PPFIA1: variants seen among roughly 807,000 people sequenced by gnomAD.
PPFIA1 encodes the protein PPFI scaffold protein A1.
PPFIA1 carries 25 observed loss-of-function variants against 149.9 expected under a neutral mutation model. The observed-to-expected ratio is 0.17, with a 90% CI of 0.12 to 0.23. The LOEUF is 0.23. PPFIA1 is among the 10% of genes least tolerant of loss of function. The probability of loss-of-function intolerance (pLI) is 1.00; values close to 1 mark genes in which losing one functional copy is unlikely to be tolerated. For missense variants in PPFIA1, 1,362 were observed against 1,506.5 expected (o/e 0.90, Z 1.59); for synonymous variants, 549 against 552.8 (o/e 0.99, Z 0.10).
At chr11:70,355,378 A>T (rs908372354) in intron 17 of PPFIA1, among the ~76,000 whole-genome samples, 2 of 152,104 alleles carry the variant, frequency 1.3e-5, no homozygotes, top group African/African-American at 4.8e-5. Context: ...CAGGCAGACC[A>T]TTGGGCTTTG....
Position 70,378,051 on chromosome 11 carries a change from A to G in PPFIA1, c.3406A>G (p.Arg1136Gly). The G allele has an allele frequency of 6.2e-7, 1 of 1,612,744 alleles. No individual in the cohort carries two copies. The stretch of plus-strand genomic sequence containing the variant: ...CCAGGATGATGATAAAAGCTTTAGG[A>G]GAGCACCTTCATGGAGAAAAAAGTT... ...FDEDDDKSFR[R>G]APSWRKKFRP... The change falls in exon 26 of 28, where the codon AGA becomes GGA. Residue 1136 changes from arginine to glycine, a missense_variant. Arg to Gly is a moderately radical substitution (Grantham distance 125, BLOSUM62 -2). Coordinates refer to ENST00000253925, the MANE Select transcript of PPFIA1 (RefSeq NM_003626.5).
chr11:70,303,573 G>C (rs757590739), intron 2 of PPFIA1, among the ~76,000 whole-genome samples: 1 of 152,212 alleles, frequency 6.6e-6, no homozygotes, highest in Non-Finnish European at 1.5e-5. Flanking sequence ...CATAAGAAGA[G>C]ATGTACATTT....
intron 2 of PPFIA1, chr11:70,279,155 GC>G: frequency 1.9e-6 from 1 of 539,420 alleles, no homozygotes; most frequent in Non-Finnish European, 3.5e-6. Flanking sequence ...CGGCAGTCGC[GC>G]CCACACGTCC....
chr11:70,381,977 G>A lies in PPFIA1; in HGVS notation c.3551-111G>A, dbSNP rs767879399. 750 of 901,020 alleles carry A rather than the reference G, an allele frequency of 8.3e-4. 1 individual carries two copies. Among genetic ancestry groups the A allele is most frequent in the Middle Eastern group, 2.4e-3 (10 of 4,102 alleles). The allele number at this position is 901,020 out of a possible 1,614,324, so 55.8% of individuals were successfully genotyped here. The stretch of plus-strand genomic sequence containing the variant: ...CAGGCAGCTCCCCTCAGGTCCCTCC[G>A]TAGGCACTGCTGTAGGTGTGAAGAT... On this transcript the variant is annotated intron_variant, in intron 26 of 27. Transcript: ENST00000253925.
At chr11:70,287,415 C>T (rs1439054518) in intron 2 of PPFIA1, among the ~76,000 whole-genome samples, 1 of 152,110 alleles carries the variant, frequency 6.6e-6, no homozygotes, top group Non-Finnish European at 1.5e-5. Flanking sequence ...TGGTGCAGCT[C>T]TTTCAGCGAT....
chr11:70,362,620 C>G, intron 21 of PPFIA1, 132 bp downstream of exon 21: 2 of 855,702 alleles, frequency 2.3e-6, no homozygotes, highest in Middle Eastern at 7.5e-4. Flanking sequence ...AAAATTTTAG[C>G]ATCACATACA....
chr11:70,295,942 G>T (rs1375344190), intron 2 of PPFIA1, among the ~76,000 whole-genome samples: 1 of 151,206 alleles, frequency 6.6e-6, no homozygotes, highest in South Asian at 2.1e-4. Context: ...GTTGCCAGGC[G>T]GAGGGTCTCC....
intron 2 of PPFIA1, among the ~76,000 whole-genome samples, chr11:70,282,090 C>A (rs1565338018): frequency 6.6e-6 from 1 of 151,840 alleles, no homozygotes; most frequent in Non-Finnish European, 1.5e-5. Context: ...TAATCAGAAT[C>A]CCCCATTTGC....
rs776987769 is a variant in PPFIA1 at position 70,324,389 on chromosome 11, T to C, written c.265-13T>C. The C allele has an allele frequency of 1.3e-6, 2 of 1,578,364 alleles. No individual in the cohort carries two copies. Among genetic ancestry groups the C allele is most frequent in the Admixed American group, 1.8e-5 (1 of 56,944 alleles). On this transcript the variant is annotated splice_polypyrimidine_tract_variant and intron_variant, in intron 2 of 27. Coordinates refer to ENST00000253925, the MANE Select transcript of PPFIA1 (RefSeq NM_003626.5). ...CTTTCTTATTTATTTAATTTTGTTT[T>C]GTGATTTTCTAGGAGTTCGCAGCAC...
intron 7 of PPFIA1, 173 bp downstream of exon 7, chr11:70,326,991 C>T (rs1352053155): frequency 6.6e-6 from 4 of 610,512 alleles, no homozygotes; most frequent in Admixed American, 6.2e-5. Context: ...CCATAAGCTA[C>T]CTCCCCATTT....
intron 2 of PPFIA1, among the ~76,000 whole-genome samples, chr11:70,278,474 ATTG>A (rs1416046623): frequency 6.6e-6 from 1 of 151,994 alleles, no homozygotes; most frequent in African/African-American, 2.4e-5. Flanking sequence ...TTTTGGTGTT[ATTG>A]TTGTCCCATT....
chr11:70,347,973 A>G (rs1437387038), intron 15 of PPFIA1, among the ~76,000 whole-genome samples: 1 of 152,224 alleles, frequency 6.6e-6, no homozygotes, highest in Non-Finnish European at 1.5e-5. Context: ...ACTGCACTCT[A>G]GCCTGGGCAA....
chr11:70,306,615 T>C (rs2052870941), intron 2 of PPFIA1, among the ~76,000 whole-genome samples: 1 of 152,228 alleles, frequency 6.6e-6, no homozygotes, highest in African/African-American at 2.4e-5. Context: ...GCCCGATGTG[T>C]GTACTTTCTG....
At chr11:70,343,644 T>A (rs752641488) in intron 14 of PPFIA1, 25 bp from the exon 15 acceptor site, 2 of 1,591,714 alleles carry the variant, frequency 1.3e-6, no homozygotes, top group East Asian at 4.5e-5. Context: ...CTTTATCTAC[T>A]GAGATTTGGT....
At chr11:70,367,667 G>A (rs2135315848) in intron 21 of PPFIA1, 2 of 454,038 alleles carry the variant, frequency 4.4e-6, no homozygotes, top group Non-Finnish European at 4.4e-6. Context: ...CCTTCTGGGA[G>A]TTCATGTTAT....
intron 2 of PPFIA1, among the ~76,000 whole-genome samples, chr11:70,303,900 G>A (rs1429728381): frequency 6.6e-5 from 10 of 152,220 alleles, no homozygotes; most frequent in African/African-American, 1.9e-4. Context: ...CAGCTACTCC[G>A]GAGGCTGAGG....
At position 70,293,942 on chromosome 11, in the gene PPFIA1, CTTTTTTT is replaced by C. The variant is rs35307008; in HGVS notation, c.264+21517_264+21523del. Among the ~76,000 whole-genome samples the C allele has an allele frequency of 2.3e-3, 295 of 128,130 alleles. 2 individuals are homozygous for C. Among genetic ancestry groups the C allele is most frequent in the African/African-American group, 8.6e-3 (283 of 33,058 alleles). The allele number at this position is 128,130 out of a possible 152,430, so 84.1% of individuals were successfully genotyped here. ...TTCCTGCACAGTTCTCTCTCTCTCT[CTTTTTTT>C]TTTTTTTTTTGACAGGGTCTTCCTG... On this transcript the variant is annotated intron_variant, in intron 2 of 27. Transcript: ENST00000253925.
At chr11:70,361,879 T>C (rs547014266) in intron 19 of PPFIA1, among the ~76,000 whole-genome samples, 2 of 151,840 alleles carry the variant, frequency 1.3e-5, no homozygotes, top group Admixed American at 1.3e-4. Context: ...CCTGCCTCAG[T>C]CTCCCGAGTA....
intron 2 of PPFIA1, among the ~76,000 whole-genome samples, chr11:70,277,578 T>C (rs2050487958): frequency 6.6e-6 from 1 of 151,196 alleles, no homozygotes; most frequent in African/African-American, 2.4e-5. Context: ...GCAACCTCCA[T>C]CTCCCATGTT....
Sources: gnomAD v4.1 joint callset for allele counts (sites outside exome capture counted in the v4.1 genomes callset) on GRCh38, gnomAD v4.1.1 for gene constraint, MANE v1.5 for transcripts, NCBI Gene and HGNC (gene_info 2026-07-23, HGNC 2026-07-21) for gene names.